Variants in LPA observed in about 807,000 individuals in gnomAD.
The protein encoded by LPA is apolipoprotein(a).
LPA carries 199 observed loss-of-function variants against 197.9 expected under a neutral mutation model. The ratio of observed to expected loss-of-function variants is 1.01; its 90% confidence interval spans 0.90 to 1.13. The LOEUF is 1.13. Among genes scored for constraint, LPA ranks in the 50% most tolerant of loss-of-function variants. The pLI, the probability that LPA is intolerant of heterozygous loss-of-function variation, is 0.00. For synonymous variants in LPA, 715 were observed against 639.5 expected, an observed-to-expected ratio of 1.12 and a Z score of -1.78; for missense variants, 1,853 against 1,785.8, an observed-to-expected ratio of 1.04 and a Z score of -0.68.
chr6:160,601,166 TACA>T lies in LPA; in HGVS notation c.2946-71_2946-69del, dbSNP rs539690962. The stretch of plus-strand genomic sequence containing the variant: ...TATGCAGGAACACTGTATATTTTGC[TACA>T]ACAAGGTCATTACTGGTGCCTTTGA... On this transcript the variant is annotated intron_variant, in intron 18 of 38. Transcript: ENST00000316300. 1,076 of 1,420,580 alleles carry T rather than the reference TACA, an allele frequency of 7.6e-4. 5 individuals carry two copies. The African/African-American group carries it at 0.013, about 17-fold the overall frequency. The allele number at this position is 1,420,580 out of a possible 1,614,324, so 88.0% of individuals were successfully genotyped here.
intron 1 of LPA, among the ~76,000 whole-genome samples, chr6:160,660,559 T>C (rs1045050470): frequency 1.1e-4 from 16 of 152,342 alleles, no homozygotes; most frequent in Middle Eastern, 6.8e-3. Context: ...TTGATGTTGA[T>C]CTGCTAATCC....
At chr6:160,600,083 C>T (rs906952198) in intron 19 of LPA, among the ~76,000 whole-genome samples, 5 of 152,106 alleles carry the variant, frequency 3.3e-5, no homozygotes, top group Non-Finnish European at 1.5e-5. Flanking sequence ...ATATAAAAAC[C>T]TTGCATGTGT....
intron 28 of LPA, among the ~76,000 whole-genome samples, chr6:160,561,636 A>G (rs1159203519): frequency 8.5e-5 from 13 of 152,222 alleles, no homozygotes; most frequent in Non-Finnish European, 1.6e-4. Flanking sequence ...TGGGGATAAC[A>G]TTGAATCTAT....
intron 29 of LPA, 66 bp downstream of exon 29, chr6:160,557,324 T>C (rs556868010): frequency 9.6e-6 from 15 of 1,568,210 alleles, no homozygotes; most frequent in Middle Eastern, 1.7e-4. Flanking sequence ...TCTGCATCAG[T>C]CAGATTTTCC....
rs952308583 is a variant in LPA at position 160,536,537 on chromosome 6, A to G, written c.5842+1318T>C. On this transcript the variant is annotated intron_variant, in intron 37 of 38. Coordinates refer to ENST00000316300, the MANE Select transcript of LPA (RefSeq NM_005577.4). ...CGACTTTTCTAAGTCCTGACAGCCCATAGGCAGGAGCCAGGGTTCCAATTC... is the reference window on the plus strand; with the variant it reads ...CGACTTTTCTAAGTCCTGACAGCCCGTAGGCAGGAGCCAGGGTTCCAATTC... Among the ~76,000 whole-genome samples, 3 of 152,302 alleles carry G rather than the reference A, an allele frequency of 2.0e-5. No homozygotes were observed. In the East Asian group the frequency reaches 5.8e-4, roughly 29 times the overall value.
chr6:160,608,582 A>AT (rs1211259932), intron 16 of LPA, among the ~76,000 whole-genome samples: 2 of 151,770 alleles, frequency 1.3e-5, no homozygotes, highest in African/African-American at 4.9e-5. Flanking sequence ...ATCATACCAG[A>AT]TTTTTTCTTT....
At chr6:160,564,712 G>T (rs1019226694) in intron 28 of LPA, among the ~76,000 whole-genome samples, 3 of 152,216 alleles carry the variant, frequency 2.0e-5, no homozygotes, top group Non-Finnish European at 2.9e-5. Context: ...GCCTCACCCG[G>T]GAAGTGTAAG....
rs41266350 is a variant in LPA at position 160,540,790 on chromosome 6, C to A, written c.5594+317G>T. 6.9e-3 allele frequency among the ~76,000 whole-genome samples: 1,044 copies of A among 152,296 alleles called. 10 individuals are homozygous for A. Among genetic ancestry groups the A allele is most frequent in the African/African-American group, 0.024 (1,010 of 41,554 alleles). ...TTCAGCCTCAGATATTGCTCTAGAG[C>A]AATGCAATACAGATTGATGCCTCTG... On this transcript the variant is annotated intron_variant, in intron 35 of 38. Coordinates refer to ENST00000316300, the MANE Select transcript of LPA (RefSeq NM_005577.4).
intron 24 of LPA, among the ~76,000 whole-genome samples, chr6:160,588,944 C>A (rs1778969904): frequency 1.3e-5 from 2 of 152,328 alleles, no homozygotes; most frequent in Middle Eastern, 3.4e-3. Flanking sequence ...GCTGGCATAG[C>A]CAGACATGGG....
At position 160,586,186 on chromosome 6, in the gene LPA, T is replaced by C. The variant is rs192717255; in HGVS notation, c.4129+263A>G. 5.8e-4 allele frequency among the ~76,000 whole-genome samples: 89 copies of C among 152,246 alleles called. 2 individuals carry two copies. In the East Asian group the frequency reaches 0.012, roughly 21 times the overall value. On this transcript the variant is annotated intron_variant, in intron 25 of 38. Coordinates refer to ENST00000316300, the MANE Select transcript of LPA (RefSeq NM_005577.4). ...ATCCATCTTGGCTAGGACACTAATA[T>C]GATTCGTTTGATAACAGGGAAGTGA...
At position 160,577,129 on chromosome 6, in the gene LPA, T is replaced by C; in HGVS notation, c.4631+7A>G. 1 of 1,613,172 alleles carries C rather than the reference T, an allele frequency of 6.2e-7. No individual in the cohort carries two copies. On this transcript the variant is annotated splice_region_variant and intron_variant, in intron 28 of 38. Coordinates refer to ENST00000316300, the MANE Select transcript of LPA (RefSeq NM_005577.4). ...TGCTCCTCTTATGGTTTTAATCAAA[T>C]ACATACGCATTTGGGTAGTTTTCTG... is the stretch of plus-strand genomic sequence containing the variant.
At chr6:160,577,524 G>T (rs915592425) in intron 27 of LPA, among the ~76,000 whole-genome samples, 6 of 152,146 alleles carry the variant, frequency 3.9e-5, no homozygotes, top group Admixed American at 1.3e-4. Flanking sequence ...AGAGGAGAAT[G>T]CTGGACATTG....
rs189371063 is a variant in LPA, at chr6:160,564,534, T to C, written c.4632-6963A>G. Among the ~76,000 whole-genome samples the C allele has an allele frequency of 3.4e-3, 522 of 151,920 alleles. 2 individuals carry two copies. The highest frequency in any genetic ancestry group is 0.012 in the African/African-American group (500 of 41,378). On this transcript the variant is annotated intron_variant, in intron 28 of 38. Transcript: ENST00000316300. ...CTTGTGATCGTGAGAGAGGGGAGGT[T>C]TCAAGATGGCCGAATAGGAACAGCT...
chr6:160,541,232 C>A, intron 34 of LPA, 51 bp from the exon 35 acceptor site: 1 of 1,282,310 alleles, frequency 7.8e-7, no homozygotes, highest in South Asian at 1.2e-5. Flanking sequence ...GTTTGTTCTA[C>A]TTCATTGTAC....
intron 2 of LPA, among the ~76,000 whole-genome samples, chr6:160,648,704 C>T (rs1779950402): frequency 6.6e-6 from 1 of 151,830 alleles, no homozygotes. Context: ...GATGGGGAGG[C>T]CATCTAGTAA....
chr6:160,586,371 T>G, intron 25 of LPA, 78 bp downstream of exon 25: 1 of 1,547,504 alleles, frequency 6.5e-7, no homozygotes, highest in Non-Finnish European at 8.9e-7. Context: ...GCATGGAAGT[T>G]TTCTGCATCA....
intron 25 of LPA, 86 bp from the exon 26 acceptor site, chr6:160,585,291 TG>T (rs1186486129): frequency 7.6e-7 from 1 of 1,316,510 alleles, no homozygotes; most frequent in East Asian, 2.3e-5. Flanking sequence ...TGGAATAATC[TG>T]AGGATTAACA....
chr6:160,595,785 A>G (rs1302207418), intron 20 of LPA, among the ~76,000 whole-genome samples: 1 of 152,174 alleles, frequency 6.6e-6, no homozygotes, highest in African/African-American at 2.4e-5. Flanking sequence ...GTAAACATCA[A>G]TGTTTACTCT....
intron 8 of LPA, among the ~76,000 whole-genome samples, chr6:160,631,928 C>G (rs1285266224): frequency 2.9e-4 from 44 of 149,934 alleles, no homozygotes; most frequent in African/African-American, 6.4e-4. Context: ...TTCAGGGGTG[C>G]GCGTGTCTGT....
Sources: allele counts gnomAD v4.1 joint callset (sites outside exome capture counted in the v4.1 genomes callset), GRCh38; gene constraint gnomAD v4.1.1; transcripts MANE v1.5; gene names NCBI Gene and HGNC (gene_info 2026-07-23, HGNC 2026-07-21).